BAIAP2L1: variants seen among roughly 807,000 people sequenced by gnomAD.
BAIAP2L1 encodes BAR/IMD domain-containing adapter protein 2-like 1.
A neutral mutation model predicts 66.3 loss-of-function variants in BAIAP2L1; 35 were observed. The observed-to-expected ratio is 0.53, with a 90% CI of 0.40 to 0.70. The LOEUF (loss-of-function observed/expected upper bound fraction) is 0.70, where lower values mean the gene tolerates loss of function less well. BAIAP2L1 is among the 30% of genes least tolerant of loss of function. The pLI, the probability that BAIAP2L1 is intolerant of heterozygous loss-of-function variation, is 0.00. For synonymous variants in BAIAP2L1, 269 were observed against 248.7 expected (o/e 1.08, Z -0.77); for missense variants, 622 against 656.9 (o/e 0.95, Z 0.58).
chr7:98,316,007 T>C (rs1801065911), intron 6 of BAIAP2L1, among the ~76,000 whole-genome samples: 1 of 152,224 alleles, frequency 6.6e-6, no homozygotes, highest in African/African-American at 2.4e-5. Context: ...AAATCTCATC[T>C]TGAATTGTAG....
intron 13 of BAIAP2L1, 77 bp downstream of exon 13, chr7:98,293,997 A>T: frequency 6.6e-7 from 1 of 1,506,698 alleles, no homozygotes; most frequent in Non-Finnish European, 9.2e-7. Flanking sequence ...TGGGCTGGGC[A>T]CCGAAGGCCC....
chr7:98,376,790 C>G (rs1213382463), intron 1 of BAIAP2L1, among the ~76,000 whole-genome samples: 1 of 151,976 alleles, frequency 6.6e-6, no homozygotes, highest in Non-Finnish European at 1.5e-5. Flanking sequence ...TGAGATTATG[C>G]CATCGCACTC....
intron 10 of BAIAP2L1, chr7:98,307,428 CAAA>C: frequency 7.6e-7 from 1 of 1,318,730 alleles, no homozygotes; most frequent in African/African-American, 1.5e-5. Flanking sequence ...TTTTTAAAAA[CAAA>C]AGAATGTTTA....
intron 3 of BAIAP2L1, among the ~76,000 whole-genome samples, chr7:98,333,771 G>A (rs898578291): frequency 3.6e-4 from 26 of 72,968 alleles, no homozygotes; most frequent in Non-Finnish European, 4.5e-4. Flanking sequence ...TTTTCCCCAC[G>A]AACCAAGAAG....
chr7:98,395,885 C>T (rs914545027), intron 1 of BAIAP2L1, among the ~76,000 whole-genome samples: 1 of 152,020 alleles, frequency 6.6e-6, no homozygotes, highest in Non-Finnish European at 1.5e-5. Context: ...AAAAAATTAG[C>T]CGGGCATGGC....
intron 2 of BAIAP2L1, among the ~76,000 whole-genome samples, chr7:98,359,219 C>A (rs1204086472): frequency 6.6e-6 from 1 of 151,912 alleles, no homozygotes; most frequent in Non-Finnish European, 1.5e-5. Flanking sequence ...GCCCACGCCC[C>A]AGCAGTGTGC....
At chr7:98,356,669 A>T (rs1283335049) in intron 2 of BAIAP2L1, among the ~76,000 whole-genome samples, 2 of 143,812 alleles carry the variant, frequency 1.4e-5, no homozygotes, top group African/African-American at 2.5e-5. Context: ...GCTAATTAAA[A>T]AAAAAAAAAA....
chr7:98,315,428 A>T (rs1211415910), intron 7 of BAIAP2L1, 32 bp downstream of exon 7: 30 of 1,371,390 alleles, frequency 2.2e-5, no homozygotes, highest in Non-Finnish European at 2.8e-5. Flanking sequence ...AAAGTTATTA[A>T]TACGCTCAAG....
chr7:98,347,095 G>T (rs1451369734), intron 3 of BAIAP2L1, among the ~76,000 whole-genome samples: 1 of 152,176 alleles, frequency 6.6e-6, no homozygotes, highest in East Asian at 1.9e-4. Context: ...AGGATGAAAT[G>T]TTGGAAGCTG....
chr7:98,400,983 C>T lies in BAIAP2L1; in HGVS notation c.-131G>A. 1.4e-6 allele frequency: 1 copy of T among 696,650 alleles called. No individual in the cohort carries two copies. The highest frequency in any genetic ancestry group is 2.1e-6 in the Non-Finnish European group (1 of 487,784). 43.2% of individuals were successfully genotyped at this position (696,650 alleles called of 1,614,324 possible). On this transcript the variant is annotated 5_prime_UTR_variant, in exon 1 of 14. Transcript: ENST00000005260. ...GGTCGGCCGCCGCCGCAGCCGTCGG[C>T]CCGAGAGTGCCCGCGCGCGTCTCCG...
At chr7:98,294,250 C>T in intron 12 of BAIAP2L1, 139 bp from the exon 13 acceptor site, 1 of 823,434 alleles carries the variant, frequency 1.2e-6, no homozygotes, top group Non-Finnish European at 1.9e-6. Context: ...ACCTTGGCCT[C>T]CTAATGTGCT....
intron 1 of BAIAP2L1, among the ~76,000 whole-genome samples, chr7:98,392,167 T>A (rs1180400040): frequency 9.1e-5 from 11 of 120,738 alleles, no homozygotes; most frequent in South Asian, 2.9e-4. Flanking sequence ...ACCCCCTCGC[T>A]AAAAAAAAAA....
intron 1 of BAIAP2L1, 94 bp from the exon 2 acceptor site, chr7:98,362,526 A>T: frequency 1.0e-6 from 1 of 966,000 alleles, no homozygotes; most frequent in Non-Finnish European, 1.6e-6. Flanking sequence ...ATAGCTATGG[A>T]TGCCTAACAG....
intron 3 of BAIAP2L1, among the ~76,000 whole-genome samples, chr7:98,350,591 A>G (rs1470556025): frequency 3.3e-5 from 5 of 152,174 alleles, no homozygotes; most frequent in African/African-American, 9.6e-5. Context: ...GCCGGGACAC[A>G]GAGGTTGCAG....
At chr7:98,344,743 T>A (rs1349631384) in intron 3 of BAIAP2L1, among the ~76,000 whole-genome samples, 1 of 152,214 alleles carries the variant, frequency 6.6e-6, no homozygotes, top group African/African-American at 2.4e-5. Context: ...GAGACCAGCC[T>A]GACCAACATG....
At chr7:98,336,141 T>C (rs1043499234) in intron 3 of BAIAP2L1, among the ~76,000 whole-genome samples, 5 of 122,086 alleles carry the variant, frequency 4.1e-5, no homozygotes, top group African/African-American at 1.3e-4. Context: ...CTGGGGACTA[T>C]GAGGGGGGGT....
At chr7:98,314,145 A>C (rs1174032499) in intron 7 of BAIAP2L1, among the ~76,000 whole-genome samples, 7 of 151,352 alleles carry the variant, frequency 4.6e-5, no homozygotes, top group Non-Finnish European at 1.0e-4. Context: ...ACCACATGTG[A>C]TTAATTTTTG....
chr7:98,366,718 G>A (rs944160086), intron 1 of BAIAP2L1, among the ~76,000 whole-genome samples: 7 of 152,138 alleles, frequency 4.6e-5, no homozygotes, highest in East Asian at 1.9e-4. Flanking sequence ...ATCACTAGAC[G>A]CAGTCAGGTG....
intron 3 of BAIAP2L1, among the ~76,000 whole-genome samples, chr7:98,353,327 A>G (rs1350711023): frequency 7.5e-6 from 1 of 134,172 alleles, no homozygotes; most frequent in Non-Finnish European, 1.5e-5. Context: ...CCTAAAATAT[A>G]TATAAATATA....
Sources: gnomAD v4.1 joint callset for allele counts (sites outside exome capture counted in the v4.1 genomes callset) on GRCh38, gnomAD v4.1.1 for gene constraint, MANE v1.5 for transcripts, NCBI Gene and HGNC (gene_info 2026-07-23, HGNC 2026-07-21) for gene names.